The following UNC13B variants were observed in gnomAD, a reference collection of about 807,000 sequenced individuals.
The protein encoded by UNC13B is unc-13 homolog B.
In UNC13B, 144 loss-of-function variants were observed where a neutral mutation model predicts 211.0. The observed-to-expected ratio is 0.68, with a 90% CI of 0.60 to 0.78. UNC13B has a LOEUF of 0.78. Among genes scored for constraint, UNC13B ranks in the 30% least tolerant of loss-of-function variants. UNC13B has a pLI of 0.00. For synonymous variants in UNC13B, 709 were observed against 725.8 expected (o/e 0.98, Z 0.37); for missense variants, 1,777 against 2,002.0 (o/e 0.89, Z 2.14).
intron 1 of UNC13B, among the ~76,000 whole-genome samples, chr9:35,217,292 A>G (rs181788288): frequency 8.5e-4 from 130 of 152,338 alleles, no homozygotes; most frequent in Non-Finnish European, 1.3e-3. Context: ...AAAGAAACCT[A>G]TAGCAAACAT....
intron 13 of UNC13B, among the ~76,000 whole-genome samples, chr9:35,374,793 T>C (rs935344282): frequency 6.6e-6 from 1 of 152,248 alleles, no homozygotes; most frequent in African/African-American, 2.4e-5. Flanking sequence ...ACTATAGTTC[T>C]AAGCTTTTCA....
rs34611015 is a variant in UNC13B, at chr9:35,368,721, G to GTTTTT, written c.9462-1587_9462-1583dup. Reference sequence around the variant, plus strand: ...TTTCCCTGCAGCTTTGTCAGTATCTGTTTTTTTTTTTTTTAGTTTGTCTTC... The same window carrying GTTTTT: ...TTTCCCTGCAGCTTTGTCAGTATCTGTTTTTTTTTTTTTTTTTTTAGTTTGTCTTC... On this transcript the variant is annotated intron_variant, in intron 12 of 39. Transcript: ENST00000635942. 2.9e-3 allele frequency among the ~76,000 whole-genome samples: 398 copies of GTTTTT among 135,762 alleles called. 2 individuals are homozygous for GTTTTT. The highest frequency in any genetic ancestry group is 9.3e-3 in the African/African-American group (349 of 37,496). 89.1% of individuals were successfully genotyped at this position (135,762 alleles called of 152,430 possible).
chr9:35,305,807 C>A lies in UNC13B; in HGVS notation c.6403C>A (p.His2135Asn). 2.5e-6 allele frequency: 1 copy of A among 398,966 alleles called. No individual in the cohort carries two copies. The highest frequency in any genetic ancestry group is 4.4e-6 in the Non-Finnish European group (1 of 226,028). 24.7% of individuals were successfully genotyped at this position (398,966 alleles called of 1,614,324 possible). ...LSKRNSNEQD[H>N]FSDKDWSFSM... ...CAAGAGAAATTCAAATGAACAAGAT[C>A]ATTTTTCTGACAAAGACTGGAGTTT... is the stretch of plus-strand genomic sequence containing the variant. The change falls in exon 9 of 40, where the codon CAT becomes AAT. Residue 2135 changes from histidine (H) to asparagine (N), a missense_variant. By Grantham distance (68) the His-to-Asn change is moderately conservative (BLOSUM62 1). Coordinates refer to ENST00000635942, the MANE Select transcript of UNC13B (RefSeq NM_001371189.2).
At position 35,403,202 on chromosome 9, in the gene UNC13B, ATTCAGGTGGAC is replaced by A; in HGVS notation, c.12523_12533del (p.Gln4175ValfsTer20). The stretch of plus-strand genomic sequence containing the variant: ...GGACGATCCTGTGGGAGAAGTCTCT[ATTCAGGTGGAC>A]TTGTTTACACACCCTGGTACTGGGG... On this transcript the variant is annotated frameshift_variant, in exon 38 of 40. Transcript: ENST00000635942. LOFTEE classifies it high-confidence loss of function. 1 of 1,614,128 alleles carries A rather than the reference ATTCAGGTGGAC, an allele frequency of 6.2e-7. No homozygotes were observed. The highest frequency in any genetic ancestry group is 8.5e-7 in the Non-Finnish European group (1 of 1,179,994).
intron 37 of UNC13B, among the ~76,000 whole-genome samples, chr9:35,401,716 T>C (rs1836312068): frequency 6.6e-6 from 1 of 152,196 alleles, no homozygotes; most frequent in African/African-American, 2.4e-5. Context: ...CTCTGTATTT[T>C]TCTACTGTTT....
intron 1 of UNC13B, among the ~76,000 whole-genome samples, chr9:35,217,252 A>G (rs758205329): frequency 1.8e-4 from 28 of 152,104 alleles, no homozygotes; most frequent in African/African-American, 4.3e-4. Context: ...TATTTTTGCA[A>G]CTCCCTCTGA....
chr9:35,258,696 A>C (rs1331406392), intron 6 of UNC13B, among the ~76,000 whole-genome samples: 1 of 152,260 alleles, frequency 6.6e-6, no homozygotes, highest in Admixed American at 6.5e-5. Flanking sequence ...TTCTAAGGCC[A>C]AACCTTCTCC....
chr9:35,279,499 T>A (rs1367904122), intron 7 of UNC13B, among the ~76,000 whole-genome samples: 1 of 152,234 alleles, frequency 6.6e-6, no homozygotes, highest in Non-Finnish European at 1.5e-5. Flanking sequence ...AGTGCTGCTA[T>A]GAACAACAGT....
intron 11 of UNC13B, among the ~76,000 whole-genome samples, chr9:35,326,145 C>CT (rs1375808137): frequency 3.3e-5 from 5 of 152,166 alleles, no homozygotes; most frequent in East Asian, 3.9e-4. Context: ...TATTGTCTGT[C>CT]TTTTTTTATT....
In UNC13B at chr9:35,259,070, A is replaced by G. The variant is rs776218107; in HGVS notation, c.526+20A>G. 31 of 1,612,856 alleles carry G rather than the reference A, an allele frequency of 1.9e-5. No individual in the cohort carries two copies. The highest frequency in any genetic ancestry group is 2.7e-5 in the African/African-American group (2 of 74,900). ...AGTGTTGTAAGTGAGAAACTTGTCT[A>G]TGAATCTCTTTTAATTGTAGCTTTC... On this transcript the variant is annotated intron_variant, in intron 7 of 39. Transcript: ENST00000635942.
chr9:35,237,556 A>G lies in UNC13B; in HGVS notation c.271-147A>G, dbSNP rs1167837666. On this transcript the variant is annotated intron_variant, in intron 4 of 39. Coordinates refer to ENST00000635942, the MANE Select transcript of UNC13B (RefSeq NM_001371189.2). ...AACAGAAGCCACATGCAGTGGAGGC[A>G]GGTGGTGATAGTGGTGTGTTTGCCT... 5.5e-6 allele frequency: 5 copies of G among 908,854 alleles called. No individual in the cohort carries two copies. In the African/African-American group the frequency reaches 8.5e-5, roughly 15 times the overall value. 56.3% of individuals were successfully genotyped at this position (908,854 alleles called of 1,614,324 possible). A position where few individuals can be genotyped will look rare whatever the true frequency, so the allele number is the denominator to read the frequency against.
At chr9:35,311,540 G>GT (rs2131864753) in intron 10 of UNC13B, among the ~76,000 whole-genome samples, 1 of 152,290 alleles carries the variant, frequency 6.6e-6, no homozygotes, top group Admixed American at 6.5e-5. Context: ...AGGTATATGT[G>GT]TATGTGTGTT....
At chr9:35,295,295 A>C (rs908275772) in intron 7 of UNC13B, among the ~76,000 whole-genome samples, 1 of 152,162 alleles carries the variant, frequency 6.6e-6, no homozygotes, top group Non-Finnish European at 1.5e-5. Flanking sequence ...AGATATGAAA[A>C]AGCTAACTTT....
chr9:35,371,319 A>G (rs1401559638), intron 13 of UNC13B, among the ~76,000 whole-genome samples: 1 of 144,590 alleles, frequency 6.9e-6, no homozygotes, highest in South Asian at 2.3e-4. Flanking sequence ...CCATTTGTTC[A>G]TCTTCTCCTT....
Position 35,306,923 on chromosome 9 carries a change from A to G in UNC13B, c.7519A>G (p.Lys2507Glu), listed in dbSNP as rs1359058468. The change falls in exon 9 of 40, where the codon AAA becomes GAA. Residue 2507 changes from lysine (K) to glutamate (E), a missense_variant. Coordinates refer to ENST00000635942, the MANE Select transcript of UNC13B (RefSeq NM_001371189.2). ...TTCTGATGTATCATCTCAGCCCCTC[A>G]AAGGTGAATTATTTGGAATTTTCAA... ...LASDVSSQPL[K>E]GELFGIFKSP... 1 of 398,856 alleles carries G rather than the reference A, an allele frequency of 2.5e-6. No homozygotes were observed. The highest frequency in any genetic ancestry group is 4.4e-6 in the Non-Finnish European group (1 of 226,050). 24.7% of individuals were successfully genotyped at this position (398,856 alleles called of 1,614,324 possible).
intron 11 of UNC13B, among the ~76,000 whole-genome samples, chr9:35,314,902 T>TTTTTTTTTG (rs1490966127): frequency 8.0e-6 from 1 of 125,420 alleles, no homozygotes. Flanking sequence ...TTTTTTTTTT[T>TTTTTTTTTG]GAGTTCAGGT....
rs7038760 is a variant in UNC13B at position 35,235,511 on chromosome 9, G to A, written c.153-958G>A. ...GTCACTCAGGCTGGAGTGCAGTGGC[G>A]TGATCTTGGCTCTGCCTCCTGGGTT... On this transcript the variant is annotated intron_variant, in intron 3 of 39. Coordinates refer to ENST00000635942, the MANE Select transcript of UNC13B (RefSeq NM_001371189.2). 8.6e-3 allele frequency among the ~76,000 whole-genome samples: 1,304 copies of A among 151,842 alleles called. 13 individuals are homozygous for A. The highest frequency in any genetic ancestry group is 0.03 in the African/African-American group (1,231 of 41,372).
chr9:35,193,044 T>C (rs1822742167), intron 1 of UNC13B, among the ~76,000 whole-genome samples: 1 of 152,120 alleles, frequency 6.6e-6, no homozygotes, highest in South Asian at 2.1e-4. Flanking sequence ...AACTAAGTGA[T>C]TGGGATTAGT....
intron 39 of UNC13B, 43 bp from the exon 40 acceptor site, chr9:35,403,705 A>C (rs1281228270): frequency 6.2e-7 from 1 of 1,609,018 alleles, no homozygotes; most frequent in Non-Finnish European, 8.5e-7. Context: ...AAATCAGCTG[A>C]AGACTCAACT....
Sources: gnomAD v4.1 joint callset for allele counts (sites outside exome capture counted in the v4.1 genomes callset) on GRCh38, gnomAD v4.1.1 for gene constraint, MANE v1.5 for transcripts, NCBI Gene and HGNC (gene_info 2026-07-23, HGNC 2026-07-21) for gene names.